Variants in COMMD10 observed in about 807,000 individuals in gnomAD.
COMMD10 encodes COMM domain-containing protein 10.
COMMD10 carries 33 observed loss-of-function variants against 28.9 expected under a neutral mutation model. The ratio of observed to expected loss-of-function variants is 1.14; its 90% CI spans 0.87 to 1.53. COMMD10 has a LOEUF of 1.53. Among genes scored for constraint, COMMD10 ranks in the 40% most tolerant of loss-of-function variants. COMMD10 has a pLI of 0.00. For synonymous variants in COMMD10, 110 were observed against 81.7 expected (o/e 1.35, Z -1.87); for missense variants, 310 against 233.4 (o/e 1.33, Z -2.14).
intron 5 of COMMD10, among the ~76,000 whole-genome samples, chr5:116,144,442 G>T (rs1231819964): frequency 6.6e-6 from 1 of 151,808 alleles, no homozygotes; most frequent in Admixed American, 6.6e-5. Flanking sequence ...CAGTGGTTAA[G>T]TATCTTTCTC....
chr5:116,112,128 T>TTAA (rs1580453922), intron 4 of COMMD10, among the ~76,000 whole-genome samples: 2 of 152,344 alleles, frequency 1.3e-5, no homozygotes, highest in East Asian at 3.9e-4. Context: ...TAGTATTCTG[T>TTAA]TAATAATCTG....
chr5:116,120,340 G>A (rs1487059558), intron 4 of COMMD10, among the ~76,000 whole-genome samples: 5 of 151,984 alleles, frequency 3.3e-5, no homozygotes. Flanking sequence ...GGACTTTGGG[G>A]ATTTGTGGGG....
chr5:116,185,261 C>G (rs1748100142), intron 5 of COMMD10, among the ~76,000 whole-genome samples: 1 of 151,958 alleles, frequency 6.6e-6, no homozygotes, highest in Non-Finnish European at 1.5e-5. Context: ...CAAAAATGGT[C>G]AGTTGTGCTC....
chr5:116,254,282 T>C (rs867022530), intron 5 of COMMD10, among the ~76,000 whole-genome samples: 39 of 152,176 alleles, frequency 2.6e-4, no homozygotes, highest in Admixed American at 1.9e-3. Flanking sequence ...AAGGTTTTTT[T>C]GTGTCTGTAT....
chr5:116,126,930 C>G (rs1313126270), intron 4 of COMMD10, among the ~76,000 whole-genome samples: 1 of 152,166 alleles, frequency 6.6e-6, no homozygotes. Flanking sequence ...CTGATGGGAT[C>G]TAATTAAACT....
intron 5 of COMMD10, among the ~76,000 whole-genome samples, chr5:116,198,492 A>C (rs1748585758): frequency 6.6e-6 from 1 of 152,144 alleles, no homozygotes; most frequent in African/African-American, 2.4e-5. Flanking sequence ...TATTAGAGTG[A>C]TATGTTTGTC....
intron 4 of COMMD10, among the ~76,000 whole-genome samples, chr5:116,124,427 T>C (rs1490679135): frequency 6.6e-6 from 1 of 152,218 alleles, no homozygotes; most frequent in African/African-American, 2.4e-5. Context: ...CACTGTGGTC[T>C]GAGAGACAGT....
chr5:116,223,707 A>G (rs889804595), intron 5 of COMMD10, among the ~76,000 whole-genome samples: 6 of 152,196 alleles, frequency 3.9e-5, no homozygotes, highest in Non-Finnish European at 8.8e-5. Context: ...TAGTATGTTC[A>G]AAAACTCTGA....
intron 5 of COMMD10, among the ~76,000 whole-genome samples, chr5:116,212,900 G>A (rs1254633866): frequency 6.6e-6 from 1 of 151,962 alleles, no homozygotes; most frequent in Non-Finnish European, 1.5e-5. Context: ...ATGTCATGTG[G>A]TTTTTTGGGT....
chr5:116,208,018 C>G (rs914799015), intron 5 of COMMD10, among the ~76,000 whole-genome samples: 1 of 152,104 alleles, frequency 6.6e-6, no homozygotes, highest in Admixed American at 6.6e-5. Context: ...TCCTGAATTG[C>G]AATGCCTGGG....
chr5:116,262,415 GGTGAT>G (rs1235343950), intron 5 of COMMD10, among the ~76,000 whole-genome samples: 1 of 151,668 alleles, frequency 6.6e-6, no homozygotes. Context: ...AGGATTTATA[GGTGAT>G]GTGTATATGT....
intron 4 of COMMD10, among the ~76,000 whole-genome samples, chr5:116,094,431 A>G (rs1377919763): frequency 6.6e-6 from 1 of 151,932 alleles, no homozygotes; most frequent in Non-Finnish European, 1.5e-5. Context: ...TAAAATCACT[A>G]ATTATCAGAG....
chr5:116,279,537 T>G (rs985552825), intron 5 of COMMD10, among the ~76,000 whole-genome samples: 14 of 151,854 alleles, frequency 9.2e-5, no homozygotes, highest in African/African-American at 3.4e-4. Flanking sequence ...GCATAATATT[T>G]TAATGAAGTC....
At chr5:116,279,192 T>TG (rs1454402058) in intron 5 of COMMD10, among the ~76,000 whole-genome samples, 3 of 151,756 alleles carry the variant, frequency 2.0e-5, no homozygotes, top group African/African-American at 7.3e-5. Flanking sequence ...TGCCTGGACA[T>TG]GCAGTGCATT....
intron 5 of COMMD10, among the ~76,000 whole-genome samples, chr5:116,190,173 A>G (rs1355228186): frequency 6.6e-6 from 1 of 152,194 alleles, no homozygotes; most frequent in Non-Finnish European, 1.5e-5. Context: ...GAAGACCAAA[A>G]TATCAGAAAG....
chr5:116,244,959 C>G (rs1749904098), intron 5 of COMMD10, among the ~76,000 whole-genome samples: 1 of 150,924 alleles, frequency 6.6e-6, no homozygotes, highest in South Asian at 2.1e-4. Flanking sequence ...CCAAAGCTAG[C>G]AGTAGACAAG....
At chr5:116,292,086 C>T (rs954442481) in intron 6 of COMMD10, among the ~76,000 whole-genome samples, 1 of 151,760 alleles carries the variant, frequency 6.6e-6, no homozygotes, top group Non-Finnish European at 1.5e-5. Context: ...TTATCCTGTT[C>T]AGCCCACCAC....
At chr5:116,259,572 C>T (rs1411518182) in intron 5 of COMMD10, among the ~76,000 whole-genome samples, 1 of 151,458 alleles carries the variant, frequency 6.6e-6, no homozygotes, top group African/African-American at 2.4e-5. Flanking sequence ...TAGTTGAGAG[C>T]CTAGGCTGAA....
intron 5 of COMMD10, among the ~76,000 whole-genome samples, chr5:116,255,075 T>G (rs1170956072): frequency 6.6e-6 from 1 of 151,682 alleles, no homozygotes; most frequent in Non-Finnish European, 1.5e-5. Flanking sequence ...TCTCTTTTGA[T>G]CTTTGTTGGT....
Sources: gnomAD v4.1 joint callset for allele counts (sites outside exome capture counted in the v4.1 genomes callset) on GRCh38, gnomAD v4.1.1 for gene constraint, MANE v1.5 for transcripts, NCBI Gene and HGNC (gene_info 2026-07-23, HGNC 2026-07-21) for gene names.